ADAM12: variants seen among roughly 807,000 people sequenced by gnomAD.
ADAM12 encodes the protein disintegrin and metalloproteinase domain-containing protein 12.
Under a neutral mutation model 106.4 loss-of-function variants are expected in ADAM12, and 70 were observed. That is an observed-to-expected ratio of 0.66 (90% confidence interval 0.54 to 0.80). The LOEUF (loss-of-function observed/expected upper bound fraction) is 0.80. ADAM12 is among the 30% of genes least tolerant of loss of function. ADAM12 has a pLI of 0.00. For synonymous variants in ADAM12, 420 were observed against 433.5 expected (o/e 0.97, Z 0.39); for missense variants, 1,010 against 1,171.9 (o/e 0.86, Z 2.02).
At position 126,293,523 on chromosome 10, in the gene ADAM12, T is replaced by C. The variant is rs181513780; in HGVS notation, c.187-14535A>G. Reference sequence around the variant, plus strand: ...AATGAGCACCCCATTTATTTTTATTTATTTTGTTTTTTGAGAGATGGAGTC... The same window carrying C: ...AATGAGCACCCCATTTATTTTTATTCATTTTGTTTTTTGAGAGATGGAGTC... On this transcript the variant is annotated intron_variant, in intron 2 of 22. Transcript: ENST00000448723. Among the ~76,000 whole-genome samples, 709 of 152,264 alleles carry C rather than the reference T, an allele frequency of 4.7e-3. 19 individuals are homozygous for C. Among genetic ancestry groups the C allele is most frequent in the Admixed American group, 0.044 (668 of 15,302 alleles).
At chr10:126,251,267 C>T (rs1040488800) in intron 3 of ADAM12, among the ~76,000 whole-genome samples, 1 of 152,234 alleles carries the variant, frequency 6.6e-6, no homozygotes. Flanking sequence ...TAAACATTTC[C>T]TCTCTGCTTA....
chr10:126,353,670 C>A (rs1855439665), intron 1 of ADAM12, among the ~76,000 whole-genome samples: 1 of 152,158 alleles, frequency 6.6e-6, no homozygotes, highest in African/African-American at 2.4e-5. Flanking sequence ...ATTTATGACT[C>A]TTCTAATACT....
rs182441569 is a variant in ADAM12, at chr10:126,357,662, T to C, written c.89-27153A>G. Among the ~76,000 whole-genome samples, 338 of 152,126 alleles carry C rather than the reference T, an allele frequency of 2.2e-3. 1 individual carries two copies. Among genetic ancestry groups the C allele is most frequent in the African/African-American group, 8.0e-3 (331 of 41,498 alleles). On this transcript the variant is annotated intron_variant, in intron 1 of 22. Coordinates refer to ENST00000448723, the MANE Select transcript of ADAM12 (RefSeq NM_001288973.2). ...GAAGGCGAAGCAAACAAATCCTTCT[T>C]TACATGGCAGCAGCAAGAAGAAGTG...
At chr10:126,124,102 A>G (rs1824547452) in intron 5 of ADAM12, among the ~76,000 whole-genome samples, 1 of 152,088 alleles carries the variant, frequency 6.6e-6, no homozygotes, top group Non-Finnish European at 1.5e-5. Context: ...TTTTGACTGC[A>G]CCCGGCAAGC....
rs1957586059 is a variant in ADAM12 at position 126,195,758 on chromosome 10, C to T, written c.261-40453G>A. Among the ~76,000 whole-genome samples, 5 of 152,206 alleles carry T rather than the reference C, an allele frequency of 3.3e-5. No homozygotes were observed. The South Asian group carries it at 1.0e-3, about 32-fold the overall frequency. ...TATCAATCTTAAATATTGTTGAATTCTTAGACACCATTTTTAAATGTGACT... is the reference window on the plus strand; with the variant it reads ...TATCAATCTTAAATATTGTTGAATTTTTAGACACCATTTTTAAATGTGACT... On this transcript the variant is annotated intron_variant, in intron 3 of 22. Transcript: ENST00000448723.
intron 16 of ADAM12, among the ~76,000 whole-genome samples, chr10:126,047,756 C>T (rs1385752678): frequency 6.6e-6 from 1 of 152,152 alleles, no homozygotes; most frequent in Non-Finnish European, 1.5e-5. Context: ...AGGCCTAAAA[C>T]AGAAATTACC....
intron 3 of ADAM12, among the ~76,000 whole-genome samples, chr10:126,171,892 C>A (rs1590554715): frequency 6.6e-6 from 1 of 152,170 alleles, no homozygotes; most frequent in Non-Finnish European, 1.5e-5. Context: ...AGGATGACAT[C>A]ATGTGTGCTG....
At chr10:126,118,514 T>C (rs1182628934) in intron 5 of ADAM12, among the ~76,000 whole-genome samples, 2 of 152,252 alleles carry the variant, frequency 1.3e-5, no homozygotes, top group Non-Finnish European at 2.9e-5. Context: ...GTCTCAAAGA[T>C]ATATTGCCGG....
At chr10:126,362,877 G>C (rs531290509) in intron 1 of ADAM12, among the ~76,000 whole-genome samples, 48 of 152,254 alleles carry the variant, frequency 3.2e-4, no homozygotes, top group African/African-American at 1.1e-3. Flanking sequence ...ATTGCACAGT[G>C]ACATGAATAT....
chr10:126,049,351 C>A lies in ADAM12; in HGVS notation c.1819G>T (p.Gly607Ter). Residue 607 changes from glycine (G) to a stop codon, truncating the protein, a stop_gained, in exon 16 of 23, where the codon GGA becomes TGA. Coordinates refer to ENST00000448723, the MANE Select transcript of ADAM12 (RefSeq NM_001288973.2). LOFTEE classifies it high-confidence loss of function. This position sits in a 1 kb window ranked among gnomAD's most constrained non-coding sequence, Gnocchi z 4.4. ...SIETNIPLQQGGRILCRGTHV... is the reference protein window; with the variant it reads ...SIETNIPLQQ ...GTCCCCCGGCACAGAATCCGGCCTC[C>A]TTGCTGCAGGGGGATGTTTGTTTCT... 1 of 1,614,184 alleles carries A rather than the reference C, an allele frequency of 6.2e-7. No individual in the cohort carries two copies. The highest frequency in any genetic ancestry group is 8.5e-7 in the Non-Finnish European group (1 of 1,180,008).
chr10:126,283,082 T>C (rs1202907545), intron 2 of ADAM12, among the ~76,000 whole-genome samples: 2 of 151,888 alleles, frequency 1.3e-5, no homozygotes, highest in Non-Finnish European at 2.9e-5. Flanking sequence ...TAGATTCTCA[T>C]AAGGAGCCCA....
rs1954118240 is a variant in ADAM12 at position 126,039,332 on chromosome 10, C to T, written c.2202G>A (p.Leu734=). ...VYLKRKTLIR[L]LFTNKKTTIE... Reference sequence around the variant, plus strand: ...TGGTGGTCTTCTTATTTGTAAACAGCAGTCGTATCAAGGTCTTCCTTTTGA... The same window carrying T: ...TGGTGGTCTTCTTATTTGTAAACAGTAGTCGTATCAAGGTCTTCCTTTTGA... Residue 734 remains leucine, a synonymous_variant, in exon 19 of 23, where the codon CTG becomes CTA. Transcript: ENST00000448723. 1.9e-6 allele frequency: 3 copies of T among 1,614,042 alleles called. No homozygotes were observed. Among genetic ancestry groups the T allele is most frequent in the Non-Finnish European group, 1.7e-6 (2 of 1,179,978 alleles).
intron 14 of ADAM12, among the ~76,000 whole-genome samples, chr10:126,054,338 A>G (rs966594984): frequency 6.6e-6 from 1 of 152,170 alleles, no homozygotes; most frequent in Non-Finnish European, 1.5e-5. Context: ...CTTTTTTTAA[A>G]CCTGATTTTG....
At position 126,017,278 on chromosome 10, in the gene ADAM12, C is replaced by T; in HGVS notation, c.*1G>A. On this transcript the variant is annotated 3_prime_UTR_variant, in exon 23 of 23. Transcript: ENST00000448723. ...CACTGTTGAAAAAAGGTGTCGGCTT[C>T]TCACTTAATATAGGCGGTGTGGGTG... 6.3e-7 allele frequency: 1 copy of T among 1,592,946 alleles called. No homozygotes were observed. The highest frequency in any genetic ancestry group is 8.6e-7 in the Non-Finnish European group (1 of 1,168,962).
chr10:126,178,545 ATTGT>A, intron 3 of ADAM12, among the ~76,000 whole-genome samples: 1 of 152,094 alleles, frequency 6.6e-6, no homozygotes, highest in South Asian at 2.1e-4. Context: ...TGTAAAAATA[ATTGT>A]TTATTTCTTA....
At chr10:126,038,126 G>T in intron 20 of ADAM12, 115 bp downstream of exon 20, 3 of 1,004,600 alleles carry the variant, frequency 3.0e-6, no homozygotes, top group Non-Finnish European at 3.0e-6. Context: ...ACCTAGTGAG[G>T]CTGACTCAGC....
chr10:126,271,045 A>C (rs1959172589), intron 3 of ADAM12, among the ~76,000 whole-genome samples: 1 of 152,068 alleles, frequency 6.6e-6, no homozygotes. Flanking sequence ...CCCTTCAAAA[A>C]TGCCATGCCC....
intron 9 of ADAM12, among the ~76,000 whole-genome samples, chr10:126,100,415 G>T (rs190701426): frequency 6.6e-6 from 1 of 151,950 alleles, no homozygotes; most frequent in East Asian, 1.9e-4. Flanking sequence ...TTAAAAACAG[G>T]CTCCTCGGCC....
At chr10:126,167,677 C>T (rs1309300870) in intron 3 of ADAM12, among the ~76,000 whole-genome samples, 1 of 152,220 alleles carries the variant, frequency 6.6e-6, no homozygotes, top group Non-Finnish European at 1.5e-5. Flanking sequence ...CCACATACCA[C>T]CCGCAAATAG....
Sources: allele counts gnomAD v4.1 joint callset (sites outside exome capture counted in the v4.1 genomes callset), GRCh38; gene constraint gnomAD v4.1.1; non-coding constraint Gnocchi (gnomAD v3.1); transcripts MANE v1.5; gene names NCBI Gene and HGNC (gene_info 2026-07-23, HGNC 2026-07-21).